The following PIGK variants were observed in gnomAD, a reference collection of about 807,000 sequenced individuals.
The protein encoded by PIGK is GPI-anchor transamidase.
A neutral mutation model predicts 50.6 loss-of-function variants in PIGK; 42 were observed. The observed-to-expected ratio is 0.83, with a 90% confidence interval of 0.65 to 1.07. The LOEUF is 1.07. PIGK is among the 50% of genes least tolerant of loss of function. PIGK has a pLI of 0.00. For missense variants in PIGK, 448 were observed against 488.7 expected, an observed-to-expected ratio of 0.92 and a Z score of 0.78; for synonymous variants, 151 against 156.0, an observed-to-expected ratio of 0.97 and a Z score of 0.24.
intron 9 of PIGK, among the ~76,000 whole-genome samples, chr1:77,141,480 T>C (rs1037199809): frequency 6.6e-6 from 1 of 152,118 alleles, no homozygotes; most frequent in African/African-American, 2.4e-5. Flanking sequence ...TTAGTAAAAG[T>C]ACTTTCAGAA....
At chr1:77,130,387 T>C (rs1654347087) in intron 9 of PIGK, among the ~76,000 whole-genome samples, 1 of 151,808 alleles carries the variant, frequency 6.6e-6, no homozygotes, top group Non-Finnish European at 1.5e-5. Context: ...CCATTTGTAT[T>C]TTGTTTTTAC....
At chr1:77,124,491 C>T (rs757276371) in intron 9 of PIGK, among the ~76,000 whole-genome samples, 23 of 152,008 alleles carry the variant, frequency 1.5e-4, no homozygotes, top group Non-Finnish European at 2.8e-4. Context: ...CACCTGTAGT[C>T]CCAGCTGCTT....
intron 9 of PIGK, chr1:77,129,101 G>A (rs753125967): frequency 1.1e-5 from 10 of 913,096 alleles, no homozygotes; most frequent in Middle Eastern, 3.2e-4. Flanking sequence ...GCAGCCTGAG[G>A]TAATCTGTGA....
chr1:77,143,420 T>G lies in PIGK; in HGVS notation c.986+11029A>C, dbSNP rs569413512. Among the ~76,000 whole-genome samples the G allele has an allele frequency of 3.2e-3, 484 of 152,196 alleles. 2 individuals are homozygous for G. The highest frequency in any genetic ancestry group is 0.011 in the African/African-American group (467 of 41,546). ...TTTTACCATCCTTTATAAAAAATTT[T>G]TGTGACCCAAAATTGATATCCAACA... On this transcript the variant is annotated intron_variant, in intron 9 of 10. Transcript: ENST00000370812.
chr1:77,153,354 T>G (rs1570226719), intron 9 of PIGK, among the ~76,000 whole-genome samples: 1 of 151,236 alleles, frequency 6.6e-6, no homozygotes, highest in South Asian at 2.1e-4. Flanking sequence ...GTAGGGAAAG[T>G]GTTTGGGAGG....
At chr1:77,178,822 A>G (rs1032400758) in intron 3 of PIGK, among the ~76,000 whole-genome samples, 1 of 152,238 alleles carries the variant, frequency 6.6e-6, no homozygotes, top group African/African-American at 2.4e-5. Context: ...CAAGAGCTGA[A>G]AGAAATGTGT....
intron 10 of PIGK, among the ~76,000 whole-genome samples, chr1:77,099,848 A>G (rs1228388609): frequency 6.8e-6 from 1 of 146,442 alleles, no homozygotes; most frequent in Non-Finnish European, 1.5e-5. Context: ...CTGCCATTAA[A>G]TGCACTCCTC....
intron 9 of PIGK, among the ~76,000 whole-genome samples, chr1:77,143,374 C>T (rs1409891628): frequency 3.3e-5 from 5 of 151,874 alleles, no homozygotes; most frequent in Non-Finnish European, 7.4e-5. Flanking sequence ...TTAAAGCCTA[C>T]ACTTACATAT....
At chr1:77,109,815 C>A (rs1215940671) in intron 10 of PIGK, among the ~76,000 whole-genome samples, 1 of 152,116 alleles carries the variant, frequency 6.6e-6, no homozygotes, top group Admixed American at 6.5e-5. Context: ...AAGAGGAAGT[C>A]AAATTGTCCC....
intron 10 of PIGK, among the ~76,000 whole-genome samples, chr1:77,102,264 T>G (rs1413034152): frequency 6.6e-6 from 1 of 152,206 alleles, no homozygotes; most frequent in Non-Finnish European, 1.5e-5. Flanking sequence ...CCACTCCTAA[T>G]TATTTGGATT....
At chr1:77,122,853 C>T (rs1176803085) in intron 9 of PIGK, among the ~76,000 whole-genome samples, 1 of 152,150 alleles carries the variant, frequency 6.6e-6, no homozygotes, top group African/African-American at 2.4e-5. Context: ...ACCAACAATT[C>T]TCTTCTTTAT....
chr1:77,103,862 G>A (rs193027295), intron 10 of PIGK, among the ~76,000 whole-genome samples: 33 of 152,186 alleles, frequency 2.2e-4, no homozygotes, highest in African/African-American at 7.5e-4. Flanking sequence ...CCTATAGCTG[G>A]TAGAAGGGAA....
chr1:77,111,401 T>C (rs1011750162), intron 10 of PIGK, among the ~76,000 whole-genome samples: 1 of 152,096 alleles, frequency 6.6e-6, no homozygotes, highest in African/African-American at 2.4e-5. Flanking sequence ...ATGTGGCACA[T>C]ATACACCATG....
intron 10 of PIGK, among the ~76,000 whole-genome samples, chr1:77,109,491 A>C (rs538932541): frequency 7.9e-5 from 12 of 152,374 alleles, no homozygotes; most frequent in African/African-American, 2.9e-4. Context: ...GCATATAAAC[A>C]GAACCAAAGA....
At chr1:77,193,243 G>A (rs1655951729) in intron 3 of PIGK, among the ~76,000 whole-genome samples, 1 of 134,586 alleles carries the variant, frequency 7.4e-6, no homozygotes, top group Admixed American at 8.2e-5. Flanking sequence ...TGTGGCATGA[G>A]AATGTGTGTG....
chr1:77,121,960 A>ATACAC (rs1654103508), intron 10 of PIGK, among the ~76,000 whole-genome samples: 2 of 152,222 alleles, frequency 1.3e-5, no homozygotes. Context: ...CCTTGTCACT[A>ATACAC]AGTACTATAC....
At chr1:77,128,313 G>A (rs1371191718) in intron 9 of PIGK, among the ~76,000 whole-genome samples, 1 of 152,102 alleles carries the variant, frequency 6.6e-6, no homozygotes, top group Non-Finnish European at 1.5e-5. Flanking sequence ...AGCAAGTTAA[G>A]TCCAAAGAGA....
chr1:77,163,964 A>T (rs554440472), intron 5 of PIGK, 22 bp from the exon 6 acceptor site: 1 of 1,377,960 alleles, frequency 7.3e-7, no homozygotes, highest in Non-Finnish European at 1.0e-6. Context: ...AGTAAAAAAG[A>T]TCAATAGATT....
At chr1:77,169,839 C>T (rs183580953) in intron 3 of PIGK, among the ~76,000 whole-genome samples, 121 of 152,294 alleles carry the variant, frequency 7.9e-4, no homozygotes, top group African/African-American at 2.7e-3. Flanking sequence ...ACAGAGTCCA[C>T]GTTAAACTAT....
Sources: allele counts gnomAD v4.1 joint callset (sites outside exome capture counted in the v4.1 genomes callset), GRCh38; gene constraint gnomAD v4.1.1; transcripts MANE v1.5; gene names NCBI Gene and HGNC (gene_info 2026-07-23, HGNC 2026-07-21).